SHANK2: variants seen among roughly 807,000 people sequenced by gnomAD.
The protein encoded by SHANK2 is SH3 and multiple ankyrin repeat domains protein 2.
In SHANK2, 43 loss-of-function variants were observed where a neutral mutation model predicts 133.7. That is an observed-to-expected ratio of 0.32 (90% confidence interval 0.25 to 0.41). The LOEUF is 0.41. SHANK2 is among the 10% of genes least tolerant of loss of function. The pLI, the probability that SHANK2 is intolerant of heterozygous loss-of-function variation, is 1.00. For synonymous variants in SHANK2, 1,017 were observed against 952.8 expected, an observed-to-expected ratio of 1.07 and a Z score of -1.24; for missense variants, 1,994 against 2,235.8, an observed-to-expected ratio of 0.89 and a Z score of 2.18.
chr11:70,824,716 G>A (rs1339706666), intron 11 of SHANK2, among the ~76,000 whole-genome samples: 2 of 152,292 alleles, frequency 1.3e-5, no homozygotes, highest in East Asian at 3.9e-4. Context: ...AAAAAACCTT[G>A]TAGATCACTG....
chr11:71,178,464 T>A (rs1248575193), intron 2 of SHANK2, among the ~76,000 whole-genome samples: 3 of 152,180 alleles, frequency 2.0e-5, no homozygotes, highest in Non-Finnish European at 4.4e-5. Context: ...GGCACAGAGA[T>A]TTTGTGAAAA....
intron 14 of SHANK2, among the ~76,000 whole-genome samples, chr11:70,782,551 T>C (rs1336784290): frequency 2.6e-5 from 4 of 152,188 alleles, no homozygotes; most frequent in African/African-American, 7.2e-5. Flanking sequence ...CACAGAGCTG[T>C]GTGGAAGAGT....
At chr11:70,780,987 G>A (rs148359265) in intron 14 of SHANK2, among the ~76,000 whole-genome samples, 1 of 152,268 alleles carries the variant, frequency 6.6e-6, no homozygotes, top group Non-Finnish European at 1.5e-5. Context: ...CTAAGTCAGA[G>A]AGATTTTGAA....
intron 13 of SHANK2, among the ~76,000 whole-genome samples, chr11:70,802,891 A>G (rs921083037): frequency 6.6e-6 from 1 of 152,218 alleles, no homozygotes. Flanking sequence ...GGCCTCACCC[A>G]TGGCCACGAA....
chr11:70,494,217 A>G (rs1219015443), intron 21 of SHANK2, among the ~76,000 whole-genome samples: 1 of 152,190 alleles, frequency 6.6e-6, no homozygotes, highest in Non-Finnish European at 1.5e-5. Flanking sequence ...ACACTCTCAC[A>G]GTAGAGTCTG....
At chr11:70,716,237 C>A (rs549574035) in intron 14 of SHANK2, among the ~76,000 whole-genome samples, 3 of 152,080 alleles carry the variant, frequency 2.0e-5, no homozygotes, top group Admixed American at 6.5e-5. Context: ...TCTCCTGGCA[C>A]GAGGTGCTCA....
intron 11 of SHANK2, among the ~76,000 whole-genome samples, chr11:70,883,093 C>T (rs1949682394): frequency 6.6e-6 from 1 of 152,154 alleles, no homozygotes; most frequent in African/African-American, 2.4e-5. Context: ...TGCATCCCCA[C>T]CCTGGGGACC....
Position 70,575,820 on chromosome 11 carries a change from G to C in SHANK2, c.2062-72889C>G, listed in dbSNP as rs184136080. On this transcript the variant is annotated intron_variant, in intron 17 of 25. Transcript: ENST00000601538. The stretch of plus-strand genomic sequence containing the variant: ...GGTGATGGGGTGGCAAACTTGGGGG[G>C]CGTGGGCTGGATAGGGTGGAGGATG... Among the ~76,000 whole-genome samples, 802 of 152,058 alleles carry C rather than the reference G, an allele frequency of 5.3e-3. 7 individuals carry two copies. The highest frequency in any genetic ancestry group is 0.019 in the African/African-American group (769 of 41,484).
At chr11:70,605,129 TG>T (rs755991674) in intron 17 of SHANK2, among the ~76,000 whole-genome samples, 63 of 152,326 alleles carry the variant, frequency 4.1e-4, no homozygotes, top group Non-Finnish European at 7.9e-4. Context: ...GGCTTGAGCC[TG>T]GGATGGCGCT....
At chr11:71,168,671 G>C (rs924150737) in intron 2 of SHANK2, among the ~76,000 whole-genome samples, 2 of 152,156 alleles carry the variant, frequency 1.3e-5, no homozygotes, top group Non-Finnish European at 2.9e-5. Flanking sequence ...AAAAAAATAC[G>C]AAAACCAGTC....
intron 17 of SHANK2, among the ~76,000 whole-genome samples, chr11:70,607,482 C>T (rs2060594117): frequency 6.6e-6 from 1 of 152,348 alleles, no homozygotes; most frequent in East Asian, 1.9e-4. Context: ...CACTCCCTGC[C>T]CTCAGGTGCC....
chr11:70,694,792 C>T (rs1009202051), intron 15 of SHANK2, among the ~76,000 whole-genome samples: 7 of 152,172 alleles, frequency 4.6e-5, no homozygotes, highest in Non-Finnish European at 7.3e-5. Context: ...CATCTCTGTC[C>T]ACAAGCTCCC....
intron 17 of SHANK2, among the ~76,000 whole-genome samples, chr11:70,562,188 T>C (rs1393965023): frequency 6.6e-6 from 1 of 152,346 alleles, no homozygotes; most frequent in Non-Finnish European, 1.5e-5. Context: ...AGTTCCAAAT[T>C]TATTGAGACT....
intron 3 of SHANK2, among the ~76,000 whole-genome samples, chr11:71,146,566 C>T (rs184083751): frequency 7.2e-5 from 11 of 152,282 alleles, no homozygotes; most frequent in Non-Finnish European, 1.3e-4. Flanking sequence ...GGGCTCTGGG[C>T]GGCACAGGAA....
At chr11:70,910,806 C>CAA (rs36001144) in intron 10 of SHANK2, among the ~76,000 whole-genome samples, 1 of 136,934 alleles carries the variant, frequency 7.3e-6, no homozygotes, top group African/African-American at 2.8e-5. Context: ...GACTCCATCT[C>CAA]AAAAAAAAAA....
intron 11 of SHANK2, among the ~76,000 whole-genome samples, chr11:70,871,566 C>T (rs2135542565): frequency 6.6e-6 from 1 of 152,252 alleles, no homozygotes; most frequent in South Asian, 2.1e-4. Flanking sequence ...GCGGATTCCC[C>T]AACACATTTG....
intron 17 of SHANK2, among the ~76,000 whole-genome samples, chr11:70,575,777 T>C (rs573134705): frequency 1.6e-3 from 249 of 151,560 alleles, no homozygotes; most frequent in Non-Finnish European, 2.7e-3. Flanking sequence ...GGCTTCTGCA[T>C]AGCCCCCGCC....
intron 6 of SHANK2, among the ~76,000 whole-genome samples, chr11:71,107,187 A>G (rs1486302544): frequency 1.3e-5 from 2 of 152,072 alleles, no homozygotes; most frequent in East Asian, 3.9e-4. Flanking sequence ...TAAACCCCCA[A>G]CCTCTATGCG....
chr11:70,631,122 C>T (rs570081186), intron 17 of SHANK2: 1 of 152,390 alleles, frequency 6.6e-6, no homozygotes, highest in African/African-American at 2.4e-5. Flanking sequence ...GAGAGCCCTT[C>T]AGAGGACCGC....
Sources: allele counts gnomAD v4.1 joint callset (sites outside exome capture counted in the v4.1 genomes callset), GRCh38; gene constraint gnomAD v4.1.1; transcripts MANE v1.5; gene names NCBI Gene and HGNC (gene_info 2026-07-23, HGNC 2026-07-21).